Variants in INPP4B observed in about 807,000 individuals in gnomAD.
INPP4B encodes inositol polyphosphate 4-phosphatase type II.
In INPP4B, 55 loss-of-function variants were observed where a neutral mutation model predicts 122.5. The ratio of observed to expected loss-of-function variants is 0.45; its 90% confidence interval spans 0.36 to 0.56. The LOEUF is 0.56. Among genes scored for constraint, INPP4B ranks in the 20% least tolerant of loss-of-function variants. The pLI is 0.00. For missense variants in INPP4B, 1,000 were observed against 1,097.7 expected (o/e 0.91, Z 1.26); for synonymous variants, 403 against 388.7 (o/e 1.04, Z -0.43).
chr4:142,346,172 C>G (rs1780271472), intron 7 of INPP4B, among the ~76,000 whole-genome samples: 1 of 152,030 alleles, frequency 6.6e-6, no homozygotes, highest in Admixed American at 6.6e-5. Context: ...TAGACATGGT[C>G]TCTGCAGCCT....
rs540773410 is a variant in INPP4B at position 142,111,675 on chromosome 4, C to T, written c.2276+867G>A. ...TTCTATGATCTTTAACTGTTATCTA[C>T]GTTTTCTGTAATCTCTATATGTGAG... On this transcript the variant is annotated intron_variant, in intron 22 of 25. Coordinates refer to ENST00000262992, the MANE Select transcript of INPP4B (RefSeq NM_001101669.3). Among the ~76,000 whole-genome samples the T allele has an allele frequency of 2.6e-5, 4 of 151,936 alleles. No homozygotes were observed. In the South Asian group the frequency reaches 8.3e-4, roughly 32 times the overall value.
chr4:142,506,107 CCCTAGA>C (rs1488546355), intron 2 of INPP4B, among the ~76,000 whole-genome samples: 2 of 151,970 alleles, frequency 1.3e-5, no homozygotes, highest in African/African-American at 2.4e-5. Flanking sequence ...TAGTTCCAAA[CCCTAGA>C]CTTTGTCTAA....
intron 8 of INPP4B, among the ~76,000 whole-genome samples, chr4:142,313,724 C>T (rs1766414480): frequency 6.6e-6 from 1 of 152,150 alleles, no homozygotes; most frequent in African/African-American, 2.4e-5. Context: ...CAAGGACTCC[C>T]TCAAGTCAAA....
intron 2 of INPP4B, among the ~76,000 whole-genome samples, chr4:142,701,720 G>C (rs947942150): frequency 6.6e-6 from 1 of 151,934 alleles, no homozygotes; most frequent in Non-Finnish European, 1.5e-5. Context: ...CCTCTACCTT[G>C]ATGTGCAGAG....
intron 2 of INPP4B, among the ~76,000 whole-genome samples, chr4:142,712,802 C>G (rs762213844): frequency 6.6e-6 from 1 of 152,206 alleles, no homozygotes; most frequent in Non-Finnish European, 1.5e-5. Flanking sequence ...TTAATTTTCT[C>G]TCAACATCCC....
chr4:142,504,297 G>A (rs894437482), intron 2 of INPP4B, among the ~76,000 whole-genome samples: 1 of 151,818 alleles, frequency 6.6e-6, no homozygotes, highest in East Asian at 1.9e-4. Context: ...ATAAAACACA[G>A]TGAAATGTCA....
Position 142,208,443 on chromosome 4 carries a change from G to T in INPP4B, c.1054C>A (p.His352Asn), listed in dbSNP as rs1843462266. The T allele has an allele frequency of 6.3e-7, 1 of 1,576,792 alleles. No individual in the cohort carries two copies. The highest frequency in any genetic ancestry group is 8.7e-7 in the Non-Finnish European group (1 of 1,153,504). ...INLHLQRMQV[H>N]SPHLKDALYD... ...ATGATACCTTTCAAGTGAGGGCTGT[G>T]TACCTGCATTCTTTGCAGATGTAGA... The change falls in exon 14 of 26, where the codon CAC (histidine) becomes AAC (asparagine). Residue 352 changes from histidine to asparagine, a missense_variant. Transcript: ENST00000262992.
chr4:142,146,021 C>T (rs777134799), intron 17 of INPP4B, 25 bp from the exon 18 acceptor site: 3 of 1,587,470 alleles, frequency 1.9e-6, no homozygotes, highest in South Asian at 2.3e-5. Context: ...AGTATCACTA[C>T]ATATTTTTGT....
At chr4:142,053,927 AAT>A (rs1756053227) in intron 25 of INPP4B, among the ~76,000 whole-genome samples, 1 of 152,112 alleles carries the variant, frequency 6.6e-6, no homozygotes, top group Non-Finnish European at 1.5e-5. Flanking sequence ...TTTAGAATAA[AAT>A]AGGACAGCTA....
chr4:142,276,454 A>G (rs1579560886), intron 9 of INPP4B, among the ~76,000 whole-genome samples: 1 of 151,838 alleles, frequency 6.6e-6, no homozygotes, highest in East Asian at 1.9e-4. Context: ...TTTAGTGGAA[A>G]GCACAGTGAA....
At chr4:142,566,926 T>C (rs1384505799) in intron 2 of INPP4B, among the ~76,000 whole-genome samples, 2 of 152,154 alleles carry the variant, frequency 1.3e-5, no homozygotes, top group East Asian at 3.9e-4. Context: ...GGGCTTTATA[T>C]AGAAGTAAGG....
rs1737456415 is a variant in INPP4B, at chr4:142,027,748, A to AAACTT, written c.*1029_*1033dup. ...GAAACTTCTACTTTGGGATTTTGGA[A>AAACTT]AACTTATAAATGTTATTTTGCTGAG... On this transcript the variant is annotated 3_prime_UTR_variant, in exon 26 of 26. Coordinates refer to ENST00000262992, the MANE Select transcript of INPP4B (RefSeq NM_001101669.3). The AAACTT allele has an allele frequency of 6.5e-6, 1 of 154,610 alleles. No individual in the cohort carries two copies. Among genetic ancestry groups the AAACTT allele is most frequent in the East Asian group, 1.8e-4 (1 of 5,694 alleles). 9.6% of individuals were successfully genotyped at this position (154,610 alleles called of 1,614,324 possible). A position where few individuals can be genotyped will look rare whatever the true frequency, so the allele number is the denominator to read the frequency against.
intron 2 of INPP4B, among the ~76,000 whole-genome samples, chr4:142,646,659 A>G (rs1206798369): frequency 6.6e-6 from 1 of 152,240 alleles, no homozygotes; most frequent in Non-Finnish European, 1.5e-5. Context: ...ATAAACCAAA[A>G]AATGCAGAAC....
At chr4:142,766,018 G>A (rs1164322570) in intron 1 of INPP4B, 1 of 151,856 alleles carries the variant, frequency 6.6e-6, no homozygotes, top group Non-Finnish European at 1.5e-5. Flanking sequence ...AGAAAGTAGA[G>A]ATATTGAATC....
At chr4:142,693,048 A>G (rs759618293) in intron 2 of INPP4B, among the ~76,000 whole-genome samples, 5 of 151,558 alleles carry the variant, frequency 3.3e-5, no homozygotes, top group Non-Finnish European at 7.4e-5. Context: ...AAGGTGCCAC[A>G]TGTTCCTTTT....
intron 11 of INPP4B, among the ~76,000 whole-genome samples, chr4:142,254,132 C>T (rs192166582): frequency 6.6e-6 from 1 of 152,224 alleles, no homozygotes; most frequent in African/African-American, 2.4e-5. Flanking sequence ...AACAGACCTG[C>T]AGCTGAGGGT....
intron 22 of INPP4B, among the ~76,000 whole-genome samples, chr4:142,110,226 A>T (rs1034245327): frequency 6.6e-6 from 1 of 152,060 alleles, no homozygotes; most frequent in African/African-American, 2.4e-5. Context: ...CACAAAGAAG[A>T]GGTTATGTGA....
At chr4:142,796,433 G>A (rs1370831071) in intron 1 of INPP4B, among the ~76,000 whole-genome samples, 1 of 151,958 alleles carries the variant, frequency 6.6e-6, no homozygotes, top group African/African-American at 2.4e-5. Context: ...TAAAACAGAA[G>A]AGAAGACACT....
chr4:142,037,575 A>T (rs1274127370), intron 25 of INPP4B, among the ~76,000 whole-genome samples: 1 of 152,174 alleles, frequency 6.6e-6, no homozygotes, highest in Non-Finnish European at 1.5e-5. Context: ...CACCAACCTG[A>T]TTTCCTCCCA....
Sources: gnomAD v4.1 joint callset for allele counts (sites outside exome capture counted in the v4.1 genomes callset) on GRCh38, gnomAD v4.1.1 for gene constraint, MANE v1.5 for transcripts, NCBI Gene and HGNC (gene_info 2026-07-23, HGNC 2026-07-21) for gene names.